LHFPL6: variants seen among roughly 807,000 people sequenced by gnomAD.
LHFPL6 encodes LHFPL tetraspan subfamily member 6 protein.
In LHFPL6, 9 loss-of-function variants were observed where a neutral mutation model predicts 20.6. The observed-to-expected ratio is 0.44, with a 90% CI of 0.26 to 0.76. The LOEUF is 0.76. Ranked by LOEUF, LHFPL6 falls within the 30% of genes least tolerant of loss-of-function variation. The pLI, the probability that LHFPL6 is intolerant of heterozygous loss-of-function variation, is 0.20. For synonymous variants in LHFPL6, 105 were observed against 98.7 expected, an observed-to-expected ratio of 1.06 and a Z score of -0.38; for missense variants, 218 against 253.5, an observed-to-expected ratio of 0.86 and a Z score of 0.95.
intron 2 of LHFPL6, among the ~76,000 whole-genome samples, chr13:39,462,949 T>G (rs752765653): frequency 6.6e-6 from 1 of 152,112 alleles, no homozygotes; most frequent in East Asian, 1.9e-4. Context: ...TACAAACTCA[T>G]GCTCTCCAGT....
At chr13:39,446,993 A>G (rs1236263148) in intron 2 of LHFPL6, among the ~76,000 whole-genome samples, 1 of 152,208 alleles carries the variant, frequency 6.6e-6, no homozygotes, top group African/African-American at 2.4e-5. Flanking sequence ...AATTCTAACC[A>G]ACCCAGTTAA....
rs551052534 is a variant in LHFPL6, at chr13:39,594,494, T to C, written c.385+6338A>G. ...AGGTGCTGGAGAGGATGTGGAGAAA[T>C]AGGAACAGTTTTACACTGTTGGTGG... On this transcript the variant is annotated intron_variant, in intron 2 of 3. Coordinates refer to ENST00000379589, the MANE Select transcript of LHFPL6 (RefSeq NM_005780.3). Among the ~76,000 whole-genome samples, 13 of 152,214 alleles carry C rather than the reference T, an allele frequency of 8.5e-5. No individual in the cohort carries two copies. The South Asian group carries it at 2.3e-3, about 27-fold the overall frequency.
At chr13:39,443,438 T>C (rs1393288850) in intron 2 of LHFPL6, among the ~76,000 whole-genome samples, 1 of 152,166 alleles carries the variant, frequency 6.6e-6, no homozygotes, top group Non-Finnish European at 1.5e-5. Context: ...GGGTTGTTAC[T>C]GTAACAAATA....
intron 3 of LHFPL6, among the ~76,000 whole-genome samples, chr13:39,356,602 TGATA>T (rs1422938850): frequency 1.3e-5 from 2 of 152,168 alleles, no homozygotes; most frequent in East Asian, 1.9e-4. Flanking sequence ...AGGATGCACA[TGATA>T]GATAGACTGC....
chr13:39,510,680 AAGTC>A (rs1211439075), intron 2 of LHFPL6, among the ~76,000 whole-genome samples: 16 of 152,314 alleles, frequency 1.1e-4, no homozygotes, highest in African/African-American at 3.8e-4. Flanking sequence ...AGCAGGTAGA[AAGTC>A]AGGAGTTACA....
At chr13:39,352,920 T>C (rs1869620731) in intron 3 of LHFPL6, among the ~76,000 whole-genome samples, 36 of 55,258 alleles carry the variant, frequency 6.5e-4, no homozygotes, top group African/African-American at 1.1e-3. Context: ...TGTATATATA[T>C]ATAAATGTAT....
At chr13:39,416,732 T>C (rs78329355) in intron 2 of LHFPL6, among the ~76,000 whole-genome samples, 6,315 of 152,278 alleles carry the variant, frequency 0.041, 433 homozygotes, top group African/African-American at 0.14. Flanking sequence ...ATAAAGTCAT[T>C]GTGCAGTTTT....
At chr13:39,545,245 CAAAAAAAAAA>C (rs35606384) in intron 2 of LHFPL6, among the ~76,000 whole-genome samples, 2 of 67,948 alleles carry the variant, frequency 2.9e-5, no homozygotes, top group Non-Finnish European at 5.1e-5. Flanking sequence ...GACTCCGTCT[CAAAAAAAAAA>C]AAAAAAAAAA....
At chr13:39,543,896 T>C (rs1452424602) in intron 2 of LHFPL6, among the ~76,000 whole-genome samples, 1 of 152,246 alleles carries the variant, frequency 6.6e-6, no homozygotes, top group African/African-American at 2.4e-5. Flanking sequence ...CAGACACATC[T>C]GGAAAATGTC....
At position 39,373,088 on chromosome 13, in the gene LHFPL6, G is replaced by C. The variant is rs192273347; in HGVS notation, c.484+5340C>G. 7.9e-5 allele frequency among the ~76,000 whole-genome samples: 12 copies of C among 152,340 alleles called. No homozygotes were observed. In the East Asian group the frequency reaches 1.5e-3, roughly 20 times the overall value. On this transcript the variant is annotated intron_variant, in intron 3 of 3. Coordinates refer to ENST00000379589, the MANE Select transcript of LHFPL6 (RefSeq NM_005780.3). ...CTTCCTGAGGAAGCTCACAGGTGAG[G>C]TTAGGTCCCCTTGAAATATGAGATA...
intron 2 of LHFPL6, among the ~76,000 whole-genome samples, chr13:39,576,926 C>G (rs1030039921): frequency 1.3e-4 from 20 of 152,154 alleles, no homozygotes; most frequent in African/African-American, 4.8e-4. Context: ...ACCAGTCCTG[C>G]ATTAGATATA....
chr13:39,579,835 A>T (rs191206347), intron 2 of LHFPL6, among the ~76,000 whole-genome samples: 133 of 152,330 alleles, frequency 8.7e-4, no homozygotes, highest in African/African-American at 2.9e-3. Context: ...CTGTTGGTAG[A>T]ATAACAATGG....
At chr13:39,482,909 C>T (rs912499662) in intron 2 of LHFPL6, among the ~76,000 whole-genome samples, 4 of 152,120 alleles carry the variant, frequency 2.6e-5, no homozygotes, top group African/African-American at 9.7e-5. Flanking sequence ...ACTGTTGTAG[C>T]ACAAGGTAAG....
chr13:39,460,895 C>T (rs1401982150), intron 2 of LHFPL6, among the ~76,000 whole-genome samples: 4 of 151,966 alleles, frequency 2.6e-5, no homozygotes, highest in African/African-American at 7.3e-5. Flanking sequence ...GGGTAAATTA[C>T]GTGTCATGGG....
intron 1 of LHFPL6, among the ~76,000 whole-genome samples, chr13:39,602,231 T>C (rs1054399437): frequency 1.3e-5 from 2 of 152,116 alleles, no homozygotes; most frequent in Non-Finnish European, 2.9e-5. Flanking sequence ...TTCTCACACT[T>C]TCCATAAAGA....
At chr13:39,499,325 G>T (rs1188845095) in intron 2 of LHFPL6, among the ~76,000 whole-genome samples, 2 of 152,060 alleles carry the variant, frequency 1.3e-5, no homozygotes, top group East Asian at 1.9e-4. Context: ...TGTCCTCTTG[G>T]GTTTTACAGA....
intron 2 of LHFPL6, among the ~76,000 whole-genome samples, chr13:39,536,928 T>TCCTC (rs1870636944): frequency 6.6e-6 from 1 of 152,212 alleles, no homozygotes; most frequent in African/African-American, 2.4e-5. Context: ...CTTAGCTGTC[T>TCCTC]CCTCTCTGTA....
intron 2 of LHFPL6, among the ~76,000 whole-genome samples, chr13:39,570,023 C>A (rs1013957802): frequency 6.6e-6 from 1 of 152,098 alleles, no homozygotes; most frequent in African/African-American, 2.4e-5. Context: ...TTCTGAGAGT[C>A]TATGAAATAT....
At chr13:39,469,213 C>T (rs973935983) in intron 2 of LHFPL6, among the ~76,000 whole-genome samples, 3 of 152,280 alleles carry the variant, frequency 2.0e-5, no homozygotes, top group South Asian at 2.1e-4. Flanking sequence ...CTCTCGCACA[C>T]GGGTAACCCT....
Sources: allele counts gnomAD v4.1 joint callset (sites outside exome capture counted in the v4.1 genomes callset), GRCh38; gene constraint gnomAD v4.1.1; transcripts MANE v1.5; gene names NCBI Gene and HGNC (gene_info 2026-07-23, HGNC 2026-07-21).